Variants in PCDHGA12 observed in about 807,000 individuals in gnomAD.
The protein encoded by PCDHGA12 is protocadherin gamma-A12.
A neutral mutation model predicts 61.1 loss-of-function variants in PCDHGA12; 43 were observed. The observed-to-expected ratio is 0.70, with a 90% CI of 0.55 to 0.91. PCDHGA12 has a LOEUF of 0.91. PCDHGA12 is among the 40% of genes least tolerant of loss of function. The pLI, the probability that PCDHGA12 is intolerant of heterozygous loss-of-function variation, is 0.00. For missense variants in PCDHGA12, 1,236 were observed against 1,227.7 expected (o/e 1.01, Z -0.10); for synonymous variants, 520 against 542.9 (o/e 0.96, Z 0.59).
intron 1 of PCDHGA12, among the ~76,000 whole-genome samples, chr5:141,461,148 A>G (rs1293565790): frequency 1.3e-5 from 2 of 152,090 alleles, no homozygotes; most frequent in Non-Finnish European, 2.9e-5. Context: ...CTTTGGGTAG[A>G]TACCCAATAG....
Position 141,485,752 on chromosome 5 carries a change from G to A in PCDHGA12, c.2425-9055G>A. 1 of 1,614,232 alleles carries A rather than the reference G, an allele frequency of 6.2e-7. No individual in the cohort carries two copies. Among genetic ancestry groups the A allele is most frequent in the Middle Eastern group, 1.6e-4 (1 of 6,062 alleles). ...GCAGCGACGGCAGCCTGGTCCCAGA[G>A]CTGCTCCTGGAGAAGCCTTTGGATC... On this transcript the variant is annotated intron_variant, in intron 1 of 3. Coordinates refer to ENST00000252085, the MANE Select transcript of PCDHGA12 (RefSeq NM_003735.3). This position sits in a 1 kb window ranked among gnomAD's most constrained non-coding sequence, Gnocchi z 5.7.
intron 1 of PCDHGA12, 96 bp from the exon 2 acceptor site, chr5:141,494,711 A>G (rs757105958): frequency 6.3e-7 from 1 of 1,599,616 alleles, no homozygotes; most frequent in Non-Finnish European, 8.5e-7. Flanking sequence ...CTCTGTGCCC[A>G]CTCCCCTCCT....
Position 141,431,033 on chromosome 5 carries a change from C to G in PCDHGA12, c.274C>G (p.Arg92Gly), listed in dbSNP as rs1006751011. ...GSLVTAGRIDREELCMGAIKC... is the reference protein window; with the variant it reads ...GSLVTAGRIDGEELCMGAIKC... ...CTTGGTCACGGCGGGCAGGATAGAC[C>G]GGGAGGAGCTCTGTATGGGGGCCAT... The change falls in exon 1 of 4, where the codon CGG becomes GGG. Residue 92 changes from arginine (R) to glycine (G), a missense_variant. By Grantham distance (125) the Arg-to-Gly change is moderately radical. Coordinates refer to ENST00000252085, the MANE Select transcript of PCDHGA12 (RefSeq NM_003735.3). This position sits in a 1 kb window ranked among gnomAD's most constrained non-coding sequence, Gnocchi z 4.8. 1.2e-6 allele frequency: 2 copies of G among 1,613,980 alleles called. No individual in the cohort carries two copies. Among genetic ancestry groups the G allele is most frequent in the Admixed American group, 3.3e-5 (2 of 60,024 alleles).
chr5:141,491,714 C>A lies in PCDHGA12; in HGVS notation c.2425-3093C>A, dbSNP rs1321811999. On this transcript the variant is annotated intron_variant, in intron 1 of 3. Transcript: ENST00000252085. The surrounding 1 kb of genome is among the most constrained non-coding windows in gnomAD (Gnocchi z 6.9). ...GAGCGGAGCCAGGTGAGGGGCTCGG[C>A]GCCGCCCCGGGCGACCCCTGGGGGC... 2 of 1,608,742 alleles carry A rather than the reference C, an allele frequency of 1.2e-6. No individual in the cohort carries two copies. The highest frequency in any genetic ancestry group is 1.7e-6 in the Non-Finnish European group (2 of 1,177,914).
chr5:141,434,027 G>A (rs887125944), intron 1 of PCDHGA12, among the ~76,000 whole-genome samples: 3 of 152,130 alleles, frequency 2.0e-5, no homozygotes, highest in Non-Finnish European at 2.9e-5. Flanking sequence ...GATTCTGGAA[G>A]CATGGTTTTC....
chr5:141,454,832 G>A (rs1311246854), intron 1 of PCDHGA12, among the ~76,000 whole-genome samples: 2 of 75,830 alleles, frequency 2.6e-5, no homozygotes, highest in African/African-American at 1.3e-4. Context: ...TTTTGAGACA[G>A]AGTCGCGCTC....
rs1243327893 is a variant in PCDHGA12, at chr5:141,491,671, C to A, written c.2425-3136C>A. 2.5e-6 allele frequency: 4 copies of A among 1,613,366 alleles called. No homozygotes were observed. Among genetic ancestry groups the A allele is most frequent in the Non-Finnish European group, 3.4e-6 (4 of 1,179,808 alleles). On this transcript the variant is annotated intron_variant, in intron 1 of 3. Coordinates refer to ENST00000252085, the MANE Select transcript of PCDHGA12 (RefSeq NM_003735.3). The surrounding 1 kb of genome is among the most constrained non-coding windows in gnomAD (Gnocchi z 6.9). Reference sequence around the variant, plus strand: ...GCTGGAGCCTGACGCCATCCGGTCCCGCTCTAATACGCTGCGGGAGCGGAG... The same window carrying A: ...GCTGGAGCCTGACGCCATCCGGTCCAGCTCTAATACGCTGCGGGAGCGGAG...
rs1403163275 is a variant in PCDHGA12 at position 141,441,708 on chromosome 5, A to T, written c.2424+8525A>T. ...AGAGCAGCCGCGAGCCTTCAAGCTC[A>T]CGCTGCAGGCCCGCGACCAGGACTA... On this transcript the variant is annotated intron_variant, in intron 1 of 3. Coordinates refer to ENST00000252085, the MANE Select transcript of PCDHGA12 (RefSeq NM_003735.3). 2.8e-5 allele frequency: 9 copies of T among 319,492 alleles called. No homozygotes were observed. In the East Asian group the frequency reaches 1.0e-3, roughly 37 times the overall value. 19.8% of individuals were successfully genotyped at this position (319,492 alleles called of 1,614,324 possible).
intron 1 of PCDHGA12, chr5:141,478,491 G>A: frequency 6.2e-7 from 1 of 1,613,152 alleles, no homozygotes; most frequent in Non-Finnish European, 8.5e-7. Flanking sequence ...CTGCGGAGCT[G>A]TGATCCGGTG....
Position 141,463,645 on chromosome 5 carries a change from G to T in PCDHGA12, c.2424+30462G>T, listed in dbSNP as rs372962993. ...TTGTATTTTGTTTAGTAGAGACGGG[G>T]TTTCACCGTGTTAGCCAGGATGGTC... On this transcript the variant is annotated intron_variant, in intron 1 of 3. Transcript: ENST00000252085. 7.9e-5 allele frequency among the ~76,000 whole-genome samples: 12 copies of T among 151,840 alleles called. No individual in the cohort carries two copies. In the East Asian group the frequency reaches 2.1e-3, roughly 27 times the overall value.
chr5:141,500,139 CT>C (rs2099796692), intron 2 of PCDHGA12, among the ~76,000 whole-genome samples: 2 of 151,768 alleles, frequency 1.3e-5, no homozygotes, highest in East Asian at 3.9e-4. Context: ...TCTTTCTAAA[CT>C]TTTCTTTGTG....
chr5:141,499,881 T>A (rs2099795027), intron 2 of PCDHGA12, among the ~76,000 whole-genome samples: 1 of 152,082 alleles, frequency 6.6e-6, no homozygotes, highest in African/African-American at 2.4e-5. Flanking sequence ...ACAAACAGGG[T>A]TTCGCCATGT....
chr5:141,457,429 C>G (rs73280316), intron 1 of PCDHGA12, among the ~76,000 whole-genome samples: 1,780 of 152,292 alleles, frequency 0.012, 30 homozygotes, highest in African/African-American at 0.04. Context: ...TTTTCCCCCC[C>G]ACCAAGCTGC....
Position 141,433,124 on chromosome 5 carries a change from G to T in PCDHGA12, c.2365G>T (p.Glu789Ter). 5 of 1,614,136 alleles carry T rather than the reference G, an allele frequency of 3.1e-6. No individual in the cohort carries two copies. Among genetic ancestry groups the T allele is most frequent in the Non-Finnish European group, 4.2e-6 (5 of 1,180,034 alleles). ...CAGCCAGGAGAGCTTTGAAAAAAGCGAGCCCCTTTTGCTGTCAGGTGATTC... is the reference window on the plus strand; with the variant it reads ...CAGCCAGGAGAGCTTTGAAAAAAGCTAGCCCCTTTTGCTGTCAGGTGATTC... Reference protein sequence around the residue: ...LVSQESFEKSEPLLLSGDSVF... With the variant: ...LVSQESFEKS Residue 789 changes from glutamate (E) to a stop codon, truncating the protein, a stop_gained, in exon 1 of 4, where the codon GAG becomes TAG. Transcript: ENST00000252085. LOFTEE classifies it high-confidence loss of function.
chr5:141,489,427 C>T lies in PCDHGA12; in HGVS notation c.2425-5380C>T, dbSNP rs370540900. 83 of 1,613,990 alleles carry T rather than the reference C, an allele frequency of 5.1e-5. No individual in the cohort carries two copies. The highest frequency in any genetic ancestry group is 8.3e-5 in the Admixed American group (5 of 59,996). On this transcript the variant is annotated intron_variant, in intron 1 of 3. Transcript: ENST00000252085. The surrounding 1 kb of genome is among the most constrained non-coding windows in gnomAD (Gnocchi z 4.5). ...AAAGATGACAGATCTGTTGAGCCGGCGGCTGCAATTGGGCTCTGAGGAGAA... is the reference window on the plus strand; with the variant it reads ...AAAGATGACAGATCTGTTGAGCCGGTGGCTGCAATTGGGCTCTGAGGAGAA...
intron 1 of PCDHGA12, among the ~76,000 whole-genome samples, chr5:141,454,796 A>ATTTTTTTTTTTTTTTTTTTTTT (rs61612330): frequency 5.2e-5 from 4 of 77,456 alleles, no homozygotes; most frequent in Non-Finnish European, 7.0e-5. Context: ...CATGGTTCTA[A>ATTTTTTTTTTTTTTTTTTTTTT]TTTTTTTTTT....
chr5:141,478,692 A>C (rs1459911657), intron 1 of PCDHGA12: 2 of 1,550,666 alleles, frequency 1.3e-6, no homozygotes, highest in African/African-American at 2.7e-5. Context: ...CCTAGATCAA[A>C]GTTAGTGCCT....
intron 3 of PCDHGA12, among the ~76,000 whole-genome samples, chr5:141,506,381 G>A (rs750584158): frequency 2.0e-5 from 3 of 151,216 alleles, no homozygotes; most frequent in Non-Finnish European, 4.4e-5. Context: ...CCTGGGAGGT[G>A]GCTGTGGTGA....
At chr5:141,501,583 T>C (rs1270487304) in intron 2 of PCDHGA12, among the ~76,000 whole-genome samples, 1 of 152,054 alleles carries the variant, frequency 6.6e-6, no homozygotes, top group Non-Finnish European at 1.5e-5. Context: ...GGCTTTCAGG[T>C]TGCAACTCTA....
Sources: gnomAD v4.1 joint callset for allele counts (sites outside exome capture counted in the v4.1 genomes callset) on GRCh38, gnomAD v4.1.1 for gene constraint, Gnocchi (gnomAD v3.1) non-coding constraint, MANE v1.5 for transcripts, NCBI Gene and HGNC (gene_info 2026-07-23, HGNC 2026-07-21) for gene names.